CNTNAP5: variants seen among roughly 807,000 people sequenced by gnomAD.
The protein encoded by CNTNAP5 is contactin-associated protein-like 5.
In CNTNAP5, 72 loss-of-function variants were observed where a neutral mutation model predicts 150.2. The ratio of observed to expected loss-of-function variants is 0.48; its 90% CI spans 0.40 to 0.58. CNTNAP5 has a LOEUF of 0.58. Ranked by LOEUF, CNTNAP5 falls within the 20% of genes least tolerant of loss-of-function variation. The pLI is 0.00. For synonymous variants in CNTNAP5, 672 were observed against 619.8 expected, an observed-to-expected ratio of 1.08 and a Z score of -1.25; for missense variants, 1,636 against 1,626.2, an observed-to-expected ratio of 1.01 and a Z score of -0.10.
chr2:124,249,754 T>A (rs1335131226), intron 3 of CNTNAP5, among the ~76,000 whole-genome samples: 2 of 152,192 alleles, frequency 1.3e-5, no homozygotes, highest in Non-Finnish European at 2.9e-5. Context: ...CATATTTGGC[T>A]CAGAATCAAC....
chr2:124,914,325 G>A lies in CNTNAP5; in HGVS notation c.*37G>A, dbSNP rs1678718320. 1 of 1,439,174 alleles carries A rather than the reference G, an allele frequency of 6.9e-7. No individual in the cohort carries two copies. The highest frequency in any genetic ancestry group is 1.4e-5 in the African/African-American group (1 of 71,130). 89.2% of individuals were successfully genotyped at this position (1,439,174 alleles called of 1,614,324 possible). ...GTTCCTACTACTCTTTTTTCTTGTTGTTCAATTATCTCCTCCCCCTCTTCT... is the reference window on the plus strand; with the variant it reads ...GTTCCTACTACTCTTTTTTCTTGTTATTCAATTATCTCCTCCCCCTCTTCT... On this transcript the variant is annotated 3_prime_UTR_variant, in exon 24 of 24. Coordinates refer to ENST00000682447, the MANE Select transcript of CNTNAP5 (RefSeq NM_001367498.1).
chr2:124,722,722 A>G (rs1371169875), intron 13 of CNTNAP5, among the ~76,000 whole-genome samples: 2 of 152,228 alleles, frequency 1.3e-5, no homozygotes, highest in Admixed American at 6.5e-5. Flanking sequence ...AATGAATTGG[A>G]GGCAGCCTTG....
At chr2:124,866,612 C>T (rs942169271) in intron 20 of CNTNAP5, among the ~76,000 whole-genome samples, 7 of 151,890 alleles carry the variant, frequency 4.6e-5, no homozygotes, top group South Asian at 2.1e-4. Flanking sequence ...TCCATGTGAG[C>T]GCAGGCTAAA....
intron 12 of CNTNAP5, among the ~76,000 whole-genome samples, chr2:124,634,922 C>A (rs1038445529): frequency 3.9e-5 from 6 of 152,146 alleles, no homozygotes; most frequent in African/African-American, 1.4e-4. Flanking sequence ...CTTTCCTGCA[C>A]CTTCCTGTAG....
intron 8 of CNTNAP5, among the ~76,000 whole-genome samples, chr2:124,522,427 G>C (rs916399101): frequency 3.3e-5 from 5 of 152,116 alleles, no homozygotes; most frequent in Admixed American, 2.0e-4. Context: ...CTCTAGCCTT[G>C]ACCCCTTCCA....
intron 3 of CNTNAP5, among the ~76,000 whole-genome samples, chr2:124,273,090 G>T (rs1687799735): frequency 6.6e-6 from 1 of 152,140 alleles, no homozygotes; most frequent in Admixed American, 6.5e-5. Context: ...CTGGCTAAGA[G>T]ATCTAGGAGT....
chr2:124,152,092 T>C (rs1207981351), intron 1 of CNTNAP5, among the ~76,000 whole-genome samples: 4 of 152,172 alleles, frequency 2.6e-5, no homozygotes, highest in Admixed American at 2.0e-4. Flanking sequence ...TGCATTTTTT[T>C]AGAAAAGAAA....
intron 13 of CNTNAP5, among the ~76,000 whole-genome samples, chr2:124,743,353 G>A (rs1680537982): frequency 6.6e-6 from 1 of 152,162 alleles, no homozygotes; most frequent in South Asian, 2.1e-4. Context: ...CGCCTCCACA[G>A]CAAAGAAGTC....
chr2:124,739,737 G>A (rs1221583230), intron 13 of CNTNAP5, among the ~76,000 whole-genome samples: 3 of 151,972 alleles, frequency 2.0e-5, no homozygotes, highest in Non-Finnish European at 4.4e-5. Context: ...ACACTTTGTC[G>A]AAGTCCTCCT....
intron 19 of CNTNAP5, among the ~76,000 whole-genome samples, chr2:124,837,739 T>G (rs549803816): frequency 1.3e-5 from 2 of 152,282 alleles, no homozygotes; most frequent in East Asian, 3.9e-4. Context: ...TCCTAGGAAT[T>G]CATCCATTTC....
intron 1 of CNTNAP5, among the ~76,000 whole-genome samples, chr2:124,113,046 T>A (rs12470976): frequency 6.6e-6 from 1 of 152,102 alleles, no homozygotes; most frequent in African/African-American, 2.4e-5. Context: ...ACACTGCCTG[T>A]GAATGTAAGT....
At chr2:124,900,279 A>G (rs890144008) in intron 21 of CNTNAP5, among the ~76,000 whole-genome samples, 1 of 151,630 alleles carries the variant, frequency 6.6e-6, no homozygotes, top group African/African-American at 2.4e-5. Context: ...TCAAATTATT[A>G]TAGCATACTA....
chr2:124,611,489 T>C (rs559699286), intron 12 of CNTNAP5, among the ~76,000 whole-genome samples: 1 of 152,342 alleles, frequency 6.6e-6, no homozygotes, highest in South Asian at 2.1e-4. Context: ...GTAACATAAT[T>C]AGAAATTGTG....
chr2:124,254,090 C>T (rs1687249822), intron 3 of CNTNAP5, among the ~76,000 whole-genome samples: 1 of 151,988 alleles, frequency 6.6e-6, no homozygotes, highest in Admixed American at 6.6e-5. Context: ...TTTATAAAAC[C>T]TACATTAGAG....
chr2:124,296,580 AC>A, intron 3 of CNTNAP5, among the ~76,000 whole-genome samples: 1 of 152,282 alleles, frequency 6.6e-6, no homozygotes, highest in East Asian at 1.9e-4. Flanking sequence ...GATACACCAC[AC>A]TTTTGTCATT....
intron 3 of CNTNAP5, among the ~76,000 whole-genome samples, chr2:124,289,178 G>T (rs1688224430): frequency 6.6e-6 from 1 of 152,032 alleles, no homozygotes; most frequent in South Asian, 2.1e-4. Flanking sequence ...AAAGGTGTCT[G>T]GTATATATAT....
At chr2:124,589,857 C>T (rs1466971723) in intron 11 of CNTNAP5, among the ~76,000 whole-genome samples, 1 of 152,134 alleles carries the variant, frequency 6.6e-6, no homozygotes, top group African/African-American at 2.4e-5. Context: ...ATGAGGATTC[C>T]TCCTGCTATC....
At position 124,798,203 on chromosome 2, in the gene CNTNAP5, T is replaced by A; in HGVS notation, c.3100T>A (p.Ser1034Thr). Residue 1034 changes from serine (S) to threonine (T), a missense_variant, in exon 19 of 24, where the codon TCA becomes ACA. By Grantham distance (58) the Ser-to-Thr change is moderately conservative. Coordinates refer to ENST00000682447, the MANE Select transcript of CNTNAP5 (RefSeq NM_001367498.1). ...CTCATCCTCAGCTATTTACACAGAT[T>A]CAGCTCCATCCAAGGAAAACATTGC... ...SLSSSAIYTD[S>T]APSKENIALS... 1 of 1,613,824 alleles carries A rather than the reference T, an allele frequency of 6.2e-7. No homozygotes were observed. Among genetic ancestry groups the A allele is most frequent in the Non-Finnish European group, 8.5e-7 (1 of 1,179,750 alleles).
At chr2:124,360,950 CAGATGT>C (rs1289218528) in intron 3 of CNTNAP5, among the ~76,000 whole-genome samples, 1 of 144,488 alleles carries the variant, frequency 6.9e-6, no homozygotes, top group Admixed American at 7.0e-5. Flanking sequence ...GTACACCAAT[CAGATGT>C]AGATTTGGTC....
Sources: gnomAD v4.1 joint callset for allele counts (sites outside exome capture counted in the v4.1 genomes callset) on GRCh38, gnomAD v4.1.1 for gene constraint, MANE v1.5 for transcripts, NCBI Gene and HGNC (gene_info 2026-07-23, HGNC 2026-07-21) for gene names.